Variants in HS6ST3 observed in about 807,000 individuals in gnomAD.
HS6ST3 encodes heparan sulfate 6-O-sulfotransferase 3, also known as heparan-sulfate 6-O-sulfotransferase 3.
Under a neutral mutation model 36.7 loss-of-function variants are expected in HS6ST3, and 12 were observed. That is an observed-to-expected ratio of 0.33 (90% CI 0.21 to 0.53). The LOEUF (loss-of-function observed/expected upper bound fraction) is 0.53, where lower values mean the gene tolerates loss of function less well. Among genes scored for constraint, HS6ST3 ranks in the 20% least tolerant of loss-of-function variants. HS6ST3 has a pLI of 0.95. For synonymous variants in HS6ST3, 240 were observed against 257.5 expected (o/e 0.93, Z 0.65); for missense variants, 584 against 640.9 (o/e 0.91, Z 0.96).
intron 1 of HS6ST3, among the ~76,000 whole-genome samples, chr13:96,399,426 T>C (rs1027102367): frequency 3.3e-5 from 5 of 152,214 alleles, no homozygotes; most frequent in East Asian, 1.9e-4. Context: ...AATAGCAAGA[T>C]TACTTACTGT....
intron 1 of HS6ST3, among the ~76,000 whole-genome samples, chr13:96,775,364 C>T (rs1877361671): frequency 6.6e-6 from 1 of 151,868 alleles, no homozygotes; most frequent in South Asian, 2.1e-4. Context: ...GGTTAAATGC[C>T]TCAAGTAAAA....
At chr13:96,453,040 C>T (rs7329719) in intron 1 of HS6ST3, among the ~76,000 whole-genome samples, 1 of 151,844 alleles carries the variant, frequency 6.6e-6, no homozygotes, top group Non-Finnish European at 1.5e-5. Context: ...GGAGGAGATG[C>T]GGAGTACCCT....
At chr13:96,818,030 C>T (rs555467022) in intron 1 of HS6ST3, among the ~76,000 whole-genome samples, 13 of 152,106 alleles carry the variant, frequency 8.5e-5, no homozygotes, top group African/African-American at 3.1e-4. Flanking sequence ...GGATAGTGTC[C>T]CCATTTGAGT....
intron 1 of HS6ST3, among the ~76,000 whole-genome samples, chr13:96,588,203 T>C (rs539460630): frequency 6.7e-6 from 1 of 148,882 alleles, no homozygotes; most frequent in South Asian, 2.1e-4. Context: ...TTTTTTTTTT[T>C]CCACTTTAGA....
intron 1 of HS6ST3, among the ~76,000 whole-genome samples, chr13:96,253,760 C>T (rs564394539): frequency 9.9e-5 from 15 of 152,258 alleles, no homozygotes; most frequent in African/African-American, 2.4e-4. Context: ...TTTATTTACT[C>T]GTCTGCATCC....
intron 1 of HS6ST3, among the ~76,000 whole-genome samples, chr13:96,192,362 T>A (rs938176733): frequency 2.6e-5 from 4 of 152,174 alleles, no homozygotes; most frequent in African/African-American, 9.7e-5. Context: ...TTCATGCTGG[T>A]GGGGATGGAC....
At chr13:96,109,386 T>C (rs2053857561) in intron 1 of HS6ST3, among the ~76,000 whole-genome samples, 1 of 152,144 alleles carries the variant, frequency 6.6e-6, no homozygotes, top group African/African-American at 2.4e-5. Context: ...TTCATAAAAA[T>C]GGGTTAGACT....
At chr13:96,799,504 C>T (rs1030983356) in intron 1 of HS6ST3, among the ~76,000 whole-genome samples, 3 of 151,950 alleles carry the variant, frequency 2.0e-5, no homozygotes, top group African/African-American at 7.3e-5. Context: ...AATTGGAAAT[C>T]ATCATTCTCA....
intron 1 of HS6ST3, among the ~76,000 whole-genome samples, chr13:96,441,051 G>C (rs987117037): frequency 6.6e-6 from 1 of 152,054 alleles, no homozygotes; most frequent in African/African-American, 2.4e-5. Flanking sequence ...TATAAAATGA[G>C]GCCAGAGAGC....
chr13:96,775,782 A>G (rs1402946867), intron 1 of HS6ST3, among the ~76,000 whole-genome samples: 1 of 152,170 alleles, frequency 6.6e-6, no homozygotes, highest in African/African-American at 2.4e-5. Flanking sequence ...CAGATCAACG[A>G]GACATAAAAT....
chr13:96,346,948 T>A (rs1594759198), intron 1 of HS6ST3, among the ~76,000 whole-genome samples: 1 of 152,156 alleles, frequency 6.6e-6, no homozygotes, highest in South Asian at 2.1e-4. Context: ...TGAATCAAGC[T>A]GTCATGTTGG....
chr13:96,361,062 G>A (rs2055236355), intron 1 of HS6ST3, among the ~76,000 whole-genome samples: 1 of 152,030 alleles, frequency 6.6e-6, no homozygotes, highest in Non-Finnish European at 1.5e-5. Context: ...TGGTATATTA[G>A]TTAGATAAAA....
At chr13:96,693,568 G>A (rs1359926338) in intron 1 of HS6ST3, among the ~76,000 whole-genome samples, 2 of 152,178 alleles carry the variant, frequency 1.3e-5, no homozygotes, top group African/African-American at 4.8e-5. Flanking sequence ...CTCCCAAAGT[G>A]CTGGAATTAC....
intron 1 of HS6ST3, among the ~76,000 whole-genome samples, chr13:96,729,520 G>A (rs758043899): frequency 3.3e-5 from 5 of 152,080 alleles, no homozygotes; most frequent in African/African-American, 4.8e-5. Context: ...GCAGTGGCCC[G>A]ATCGTGGCTC....
intron 1 of HS6ST3, among the ~76,000 whole-genome samples, chr13:96,459,897 G>A (rs555130178): frequency 6.6e-6 from 1 of 152,294 alleles, no homozygotes; most frequent in East Asian, 1.9e-4. Context: ...AAAATTCAGT[G>A]TTTGAAAGTT....
At chr13:96,593,174 CTTTTTTTTTTT>C (rs35380296) in intron 1 of HS6ST3, among the ~76,000 whole-genome samples, 2 of 46,622 alleles carry the variant, frequency 4.3e-5, no homozygotes, top group African/African-American at 1.9e-4. Context: ...TTCTTTCTTT[CTTTTTTTTTTT>C]TTTTTTTTTT....
chr13:96,452,895 G>A (rs115825397), intron 1 of HS6ST3, among the ~76,000 whole-genome samples: 162 of 152,136 alleles, frequency 1.1e-3, no homozygotes, highest in African/African-American at 3.6e-3. Flanking sequence ...AAATTTTACC[G>A]TGCTTGCAAG....
chr13:96,551,893 G>A (rs1408985106), intron 1 of HS6ST3, among the ~76,000 whole-genome samples: 2 of 152,162 alleles, frequency 1.3e-5, no homozygotes, highest in Non-Finnish European at 2.9e-5. Flanking sequence ...GTAATTTTAA[G>A]ACTTCATAAA....
intron 1 of HS6ST3, among the ~76,000 whole-genome samples, chr13:96,113,712 T>C (rs939262648): frequency 3.3e-5 from 5 of 152,184 alleles, no homozygotes; most frequent in African/African-American, 1.2e-4. Flanking sequence ...TCTGACTATA[T>C]ATTAGGAATC....
Sources: allele counts gnomAD v4.1 joint callset (sites outside exome capture counted in the v4.1 genomes callset), GRCh38; gene constraint gnomAD v4.1.1; transcripts MANE v1.5; gene names NCBI Gene and HGNC (gene_info 2026-07-23, HGNC 2026-07-21).